DSCAML1: variants seen among roughly 807,000 people sequenced by gnomAD.
DSCAML1 encodes the protein cell adhesion molecule DSCAML1.
Under a neutral mutation model 200.5 loss-of-function variants are expected in DSCAML1, and 38 were observed. The ratio of observed to expected loss-of-function variants is 0.19; its 90% CI spans 0.15 to 0.25. DSCAML1 has a LOEUF of 0.25. DSCAML1 is among the 10% of genes least tolerant of loss of function. The pLI is 1.00. For synonymous variants in DSCAML1, 1,215 were observed against 1,165.0 expected (o/e 1.04, Z -0.87); for missense variants, 2,223 against 2,858.8 (o/e 0.78, Z 5.07).
Position 117,432,566 on chromosome 11 carries a change from T to A in DSCAML1, c.5027-62A>T, listed in dbSNP as rs1592563288. 6.6e-6 allele frequency: 10 copies of A among 1,520,638 alleles called. 1 individual carries two copies. In the East Asian group the frequency reaches 2.3e-4, roughly 34 times the overall value. The allele number at this position is 1,520,638 out of a possible 1,614,324, so 94.2% of individuals were successfully genotyped here. A position where few individuals can be genotyped will look rare whatever the true frequency, so the allele number is the denominator to read the frequency against. On this transcript the variant is annotated intron_variant, in intron 29 of 32. Transcript: ENST00000651296. ...AATTGTTTTTTAAAGCTCTTTTGGATGTGACTGAATTTCTCTTTGTCTTTA... is the reference window on the plus strand; with the variant it reads ...AATTGTTTTTTAAAGCTCTTTTGGAAGTGACTGAATTTCTCTTTGTCTTTA...
At position 117,780,247 on chromosome 11, in the gene DSCAML1, A is replaced by AG. The variant is rs1491205811; in HGVS notation, c.364+245dup. 0.01 allele frequency among the ~76,000 whole-genome samples: 869 copies of AG among 86,432 alleles called. 23 individuals are homozygous for AG. The highest frequency in any genetic ancestry group is 0.014 in the Non-Finnish European group (524 of 38,082). The allele number at this position is 86,432 out of a possible 152,430, so 56.7% of individuals were successfully genotyped here. The stretch of plus-strand genomic sequence containing the variant: ...AGAAAGAAAGGAAAGAAAGAAAGAA[A>AG]GAAAGAAAGAAAGAAAGAAAGAAAG... On this transcript the variant is annotated intron_variant, in intron 2 of 32. Transcript: ENST00000651296. The surrounding 1 kb of genome is among the most constrained non-coding windows in gnomAD (Gnocchi z 4.8).
At chr11:117,681,654 C>T (rs2137695225) in intron 3 of DSCAML1, among the ~76,000 whole-genome samples, 1 of 152,314 alleles carries the variant, frequency 6.6e-6, no homozygotes, top group East Asian at 1.9e-4. Flanking sequence ...CCCTGCCTCT[C>T]TTCCCAGTTC....
At chr11:117,483,324 C>T (rs759068794) in intron 11 of DSCAML1, among the ~76,000 whole-genome samples, 5 of 152,108 alleles carry the variant, frequency 3.3e-5, no homozygotes, top group Non-Finnish European at 7.4e-5. Flanking sequence ...CCTGCACCGG[C>T]AACATGAACT....
intron 2 of DSCAML1, among the ~76,000 whole-genome samples, chr11:117,779,205 A>G (rs1399911183): frequency 1.3e-5 from 2 of 152,052 alleles, no homozygotes; most frequent in East Asian, 3.9e-4. Context: ...CTGGGTCTTT[A>G]AGTTGAAAAG....
Position 117,780,290 on chromosome 11 carries a change from A to AGAC in DSCAML1, c.364+202_364+203insGTC, listed in dbSNP as rs2055224139. ...AAAGAAAGAAAGAAAGAAAGAAAGA[A>AGAC]AGAAAGAAAGAAAGAGAGAAAGGAG... On this transcript the variant is annotated intron_variant, in intron 2 of 32. Transcript: ENST00000651296. The surrounding 1 kb of genome is among the most constrained non-coding windows in gnomAD (Gnocchi z 4.8). 2.0e-5 allele frequency among the ~76,000 whole-genome samples: 2 copies of AGAC among 100,128 alleles called. No individual in the cohort carries two copies. The highest frequency in any genetic ancestry group is 3.2e-5 in the African/African-American group (1 of 31,304). The allele number at this position is 100,128 out of a possible 152,430, so 65.7% of individuals were successfully genotyped here.
At chr11:117,630,973 A>G (rs999662092) in intron 3 of DSCAML1, among the ~76,000 whole-genome samples, 1 of 152,216 alleles carries the variant, frequency 6.6e-6, no homozygotes, top group African/African-American at 2.4e-5. Flanking sequence ...GACAAAATGA[A>G]TTGGACACAT....
chr11:117,744,146 T>C (rs760678748), intron 3 of DSCAML1, among the ~76,000 whole-genome samples: 1 of 152,242 alleles, frequency 6.6e-6, no homozygotes, highest in Non-Finnish European at 1.5e-5. Context: ...GGTTATCTCA[T>C]TTAAATCTCA....
At chr11:117,607,637 C>T (rs893289141) in intron 3 of DSCAML1, among the ~76,000 whole-genome samples, 1 of 152,200 alleles carries the variant, frequency 6.6e-6, no homozygotes, top group Non-Finnish European at 1.5e-5. Flanking sequence ...AGGCAGGGGC[C>T]TACGCATTAG....
At chr11:117,477,392 ATGTGTG>A (rs796616030) in intron 14 of DSCAML1, among the ~76,000 whole-genome samples, 1 of 84,424 alleles carries the variant, frequency 1.2e-5, no homozygotes, top group Non-Finnish European at 2.5e-5. Flanking sequence ...GTGTGTGTGT[ATGTGTG>A]TGTGTATGTG....
At chr11:117,628,608 G>A (rs2052105193) in intron 3 of DSCAML1, among the ~76,000 whole-genome samples, 1 of 152,060 alleles carries the variant, frequency 6.6e-6, no homozygotes, top group Non-Finnish European at 1.5e-5. Flanking sequence ...TCTCCTCCTT[G>A]GACTTGCACT....
intron 3 of DSCAML1, among the ~76,000 whole-genome samples, chr11:117,632,374 T>C (rs950415111): frequency 6.6e-6 from 1 of 152,158 alleles, no homozygotes; most frequent in Non-Finnish European, 1.5e-5. Context: ...ACCCTTACCT[T>C]GACACTAGCT....
At chr11:117,671,812 A>T (rs956489155) in intron 3 of DSCAML1, among the ~76,000 whole-genome samples, 5 of 152,296 alleles carry the variant, frequency 3.3e-5, no homozygotes, top group African/African-American at 9.6e-5. Context: ...GCAGGTGTTT[A>T]GGGTAAAAGA....
chr11:117,673,435 T>C (rs947195483), intron 3 of DSCAML1, among the ~76,000 whole-genome samples: 1 of 152,154 alleles, frequency 6.6e-6, no homozygotes. Context: ...CCCATCATGC[T>C]TGAGAGAGTG....
At chr11:117,483,467 G>A (rs901191235) in intron 11 of DSCAML1, among the ~76,000 whole-genome samples, 1 of 152,196 alleles carries the variant, frequency 6.6e-6, no homozygotes, top group African/African-American at 2.4e-5. Context: ...GTCTTGTCCC[G>A]GGTTCTGGAG....
At chr11:117,520,686 AC>A (rs1291119715) in intron 6 of DSCAML1, among the ~76,000 whole-genome samples, 2 of 151,992 alleles carry the variant, frequency 1.3e-5, no homozygotes, top group Admixed American at 1.3e-4. Context: ...CCAGTTCAAG[AC>A]CAGCCTGAGC....
intron 3 of DSCAML1, among the ~76,000 whole-genome samples, chr11:117,749,952 G>A (rs1565261960): frequency 1.3e-5 from 2 of 152,260 alleles, no homozygotes; most frequent in Non-Finnish European, 2.9e-5. Flanking sequence ...ACATGGAAAC[G>A]TAAGGGTGAC....
chr11:117,668,575 G>A (rs922279537), intron 3 of DSCAML1: 1 of 152,260 alleles, frequency 6.6e-6, no homozygotes, highest in African/African-American at 2.4e-5. Flanking sequence ...TGGCAAGTGA[G>A]CCCAGGCAGG....
intron 3 of DSCAML1, among the ~76,000 whole-genome samples, chr11:117,555,065 C>T (rs2050536891): frequency 6.6e-6 from 1 of 152,234 alleles, no homozygotes; most frequent in Non-Finnish European, 1.5e-5. Context: ...CATGGCCCCT[C>T]TTCCTTCTGA....
In DSCAML1 at chr11:117,428,358, C is replaced by A; in HGVS notation, c.6132G>T (p.Gly2044=). The change falls in exon 33 of 33, where the codon GGG becomes GGT. Residue 2044 remains glycine (G), a synonymous_variant. Transcript: ENST00000651296. ...GVGRSQKQGA[G]AYSKSYTLV is the part of the protein sequence containing the mutation. Reference sequence around the variant, plus strand: ...CCAGGGTGTAGGATTTGGAGTAGGCCCCGGCCCCCTGCTTCTGAGACCTCC... The same window carrying A: ...CCAGGGTGTAGGATTTGGAGTAGGCACCGGCCCCCTGCTTCTGAGACCTCC... 6.3e-7 allele frequency: 1 copy of A among 1,583,202 alleles called. No homozygotes were observed. Among genetic ancestry groups the A allele is most frequent in the South Asian group, 1.1e-5 (1 of 88,886 alleles).
Sources: gnomAD v4.1 joint callset for allele counts (sites outside exome capture counted in the v4.1 genomes callset) on GRCh38, gnomAD v4.1.1 for gene constraint, Gnocchi (gnomAD v3.1) non-coding constraint, MANE v1.5 for transcripts, NCBI Gene and HGNC (gene_info 2026-07-23, HGNC 2026-07-21) for gene names.